Variants in MAP1LC3B observed in about 807,000 individuals in gnomAD.
MAP1LC3B encodes the protein microtubule-associated protein 1 light chain 3 beta.
In MAP1LC3B, 12 loss-of-function variants were observed where a neutral mutation model predicts 16.7. The ratio of observed to expected loss-of-function variants is 0.72; its 90% CI spans 0.46 to 1.16. MAP1LC3B has a LOEUF of 1.16. MAP1LC3B is among the 50% of genes most tolerant of loss of function. The pLI, the probability that MAP1LC3B is intolerant of heterozygous loss-of-function variation, is 0.00. For synonymous variants in MAP1LC3B, 63 were observed against 56.5 expected, an observed-to-expected ratio of 1.11 and a Z score of -0.51; for missense variants, 155 against 159.5, an observed-to-expected ratio of 0.97 and a Z score of 0.15.
Position 87,404,108 on chromosome 16 carries a change from TCAGA to T in MAP1LC3B, c.*1015_*1018del, listed in dbSNP as rs1908091985. On this transcript the variant is annotated 3_prime_UTR_variant, in exon 4 of 4. Transcript: ENST00000268607. ...TTGAATAGTAGTTATCACTCTTAGG[TCAGA>T]CAGCCATCAGAATTCTCCCACACCA... The T allele has an allele frequency of 6.6e-6, 1 of 152,102 alleles. No homozygotes were observed. Among genetic ancestry groups the T allele is most frequent in the Non-Finnish European group, 1.5e-5 (1 of 68,016 alleles). 9.4% of individuals were successfully genotyped at this position (152,102 alleles called of 1,614,324 possible).
rs1908017410 is a variant in MAP1LC3B at position 87,402,156 on chromosome 16, CT to C, written c.97-17del. 6.2e-7 allele frequency: 1 copy of C among 1,613,536 alleles called. No individual in the cohort carries two copies. Among genetic ancestry groups the C allele is most frequent in the South Asian group, 1.1e-5 (1 of 91,056 alleles). On this transcript the variant is annotated intron_variant, in intron 2 of 3. Coordinates refer to ENST00000268607, the MANE Select transcript of MAP1LC3B (RefSeq NM_022818.5). ...GGCCCTGATGACTATTTTAAAATCACTTCTGGCTTCTTTTCCAGGTGATAAT... is the reference window on the plus strand; with the variant it reads ...GGCCCTGATGACTATTTTAAAATCACTCTGGCTTCTTTTCCAGGTGATAAT...
At chr16:87,402,714 T>G in intron 3 of MAP1LC3B, 4 of 651,680 alleles carry the variant, frequency 6.1e-6, no homozygotes, top group Non-Finnish European at 7.7e-6. Flanking sequence ...TATACTAGTT[T>G]AAAATCAGCC....
At chr16:87,392,646 C>T in intron 1 of MAP1LC3B, 179 bp downstream of exon 1, 1 of 434,402 alleles carries the variant, frequency 2.3e-6, no homozygotes, top group Non-Finnish European at 3.3e-6. Flanking sequence ...GGACCCAGGC[C>T]GGGACCGAGC....
intron 1 of MAP1LC3B, among the ~76,000 whole-genome samples, chr16:87,394,634 G>C (rs533025978): frequency 6.6e-6 from 1 of 152,210 alleles, no homozygotes; most frequent in Non-Finnish European, 1.5e-5. Flanking sequence ...GCAGAGTCTG[G>C]ACTGGTACCT....
chr16:87,403,390 T>TC lies in MAP1LC3B; in HGVS notation c.*294dup, dbSNP rs1908065734. The TC allele has an allele frequency of 1.3e-5, 3 of 238,018 alleles. No individual in the cohort carries two copies. The highest frequency in any genetic ancestry group is 6.9e-5 in the African/African-American group (3 of 43,576). The allele number at this position is 238,018 out of a possible 1,614,324, so 14.7% of individuals were successfully genotyped here. A position where few individuals can be genotyped will look rare whatever the true frequency, so the allele number is the denominator to read the frequency against. On this transcript the variant is annotated 3_prime_UTR_variant, in exon 4 of 4. Transcript: ENST00000268607. ...TCTAAGTTGCCAATAAAATAGACCT[T>TC]CAAGTTATTTTAATGCTCTTTTCTC... is the stretch of plus-strand genomic sequence containing the variant.
chr16:87,399,656 T>C (rs1597390300), intron 2 of MAP1LC3B: 2 of 453,704 alleles, frequency 4.4e-6, no homozygotes, highest in East Asian at 7.0e-5. Flanking sequence ...ACACAGACAC[T>C]AATGAGACTC....
chr16:87,393,704 C>G (rs1031928237), intron 1 of MAP1LC3B, among the ~76,000 whole-genome samples: 1 of 152,038 alleles, frequency 6.6e-6, no homozygotes, highest in Admixed American at 6.5e-5. Context: ...AGTGTCTAGG[C>G]TTATTGAGCC....
Position 87,404,585 on chromosome 16 carries a change from ACAT to A in MAP1LC3B, c.*1492_*1494del, listed in dbSNP as rs1024316627. 17 of 152,206 alleles carry A rather than the reference ACAT, an allele frequency of 1.1e-4. No individual in the cohort carries two copies. The highest frequency in any genetic ancestry group is 4.1e-4 in the African/African-American group (17 of 41,448). 9.4% of individuals were successfully genotyped at this position (152,206 alleles called of 1,614,324 possible). On this transcript the variant is annotated 3_prime_UTR_variant, in exon 4 of 4. Coordinates refer to ENST00000268607, the MANE Select transcript of MAP1LC3B (RefSeq NM_022818.5). Reference sequence around the variant, plus strand: ...CTGGACTGTCTCGTTTAGACTGTATACATCATATCTGACATTATTGTAACTACC... The same window carrying A: ...CTGGACTGTCTCGTTTAGACTGTATACATATCTGACATTATTGTAACTACC...
At chr16:87,399,344 C>T (rs1194137997) in intron 2 of MAP1LC3B, 1 of 268,700 alleles carries the variant, frequency 3.7e-6, no homozygotes, top group Admixed American at 5.0e-5. Flanking sequence ...CCTCTAATTT[C>T]TGCTACCACT....
chr16:87,402,783 G>C, intron 3 of MAP1LC3B, 140 bp from the exon 4 acceptor site: 1 of 994,770 alleles, frequency 1.0e-6, no homozygotes, highest in Non-Finnish European at 1.5e-6. Flanking sequence ...GAAGTGTCCT[G>C]TGCTTTATGA....
chr16:87,396,511 C>T (rs571348352), intron 1 of MAP1LC3B, among the ~76,000 whole-genome samples: 7 of 151,912 alleles, frequency 4.6e-5, no homozygotes, highest in Admixed American at 2.0e-4. Flanking sequence ...TCTGCCTGAA[C>T]GTTTCTACTT....
At chr16:87,400,222 G>C (rs1174647681) in intron 2 of MAP1LC3B, 1 of 148,370 alleles carries the variant, frequency 6.7e-6, no homozygotes, top group African/African-American at 2.5e-5. Flanking sequence ...CTGTCACCCA[G>C]GCTGGAGTGC....
At position 87,403,408 on chromosome 16, in the gene MAP1LC3B, C is replaced by G. The variant is rs188542873; in HGVS notation, c.*311C>G. 228 of 219,954 alleles carry G rather than the reference C, an allele frequency of 1.0e-3. No homozygotes were observed. The highest frequency in any genetic ancestry group is 2.2e-3 in the South Asian group (24 of 11,060). 13.6% of individuals were successfully genotyped at this position (219,954 alleles called of 1,614,324 possible). On this transcript the variant is annotated 3_prime_UTR_variant, in exon 4 of 4. Coordinates refer to ENST00000268607, the MANE Select transcript of MAP1LC3B (RefSeq NM_022818.5). ...TAGACCTTCAAGTTATTTTAATGCT[C>G]TTTTCTCACTAATAGGAACTTGTAA... is the stretch of plus-strand genomic sequence containing the variant.
chr16:87,403,884 C>G lies in MAP1LC3B; in HGVS notation c.*787C>G, dbSNP rs1908082569. The G allele has an allele frequency of 6.6e-6, 1 of 152,022 alleles. No individual in the cohort carries two copies. Among genetic ancestry groups the G allele is most frequent in the Non-Finnish European group, 1.5e-5 (1 of 68,016 alleles). The allele number at this position is 152,022 out of a possible 1,614,324, so 9.4% of individuals were successfully genotyped here. A position where few individuals can be genotyped will look rare whatever the true frequency, so the allele number is the denominator to read the frequency against. On this transcript the variant is annotated 3_prime_UTR_variant, in exon 4 of 4. Transcript: ENST00000268607. ...GGTTTTGTCTGAGTTCAAACTAGTG[C>G]CTGTGTTGTTACGGAAAGCAGCAGT...
chr16:87,396,955 G>A (rs1482656637), intron 1 of MAP1LC3B: 1 of 152,162 alleles, frequency 6.6e-6, no homozygotes, highest in Non-Finnish European at 1.5e-5. Flanking sequence ...AGCCTCCCTA[G>A]TAGCTGGGAT....
Position 87,404,275 on chromosome 16 carries a change from T to C in MAP1LC3B, c.*1178T>C, listed in dbSNP as rs1341351398. 6.6e-6 allele frequency: 1 copy of C among 150,794 alleles called. No homozygotes were observed. Among genetic ancestry groups the C allele is most frequent in the African/African-American group, 2.5e-5 (1 of 40,060 alleles). The allele number at this position is 150,794 out of a possible 1,614,324, so 9.3% of individuals were successfully genotyped here. On this transcript the variant is annotated 3_prime_UTR_variant, in exon 4 of 4. Coordinates refer to ENST00000268607, the MANE Select transcript of MAP1LC3B (RefSeq NM_022818.5). ...TTCCCAGTACTTGCATGGGGTTCAC[T>C]ATTTATAGTTTTCTTGGGAGTATCA...
intron 1 of MAP1LC3B, chr16:87,392,737 G>A: frequency 5.9e-6 from 1 of 170,400 alleles, no homozygotes; most frequent in Non-Finnish European, 1.2e-5. Context: ...GGCGGAGGGC[G>A]GGCGGGGGCC....
intron 3 of MAP1LC3B, 90 bp downstream of exon 3, chr16:87,402,371 A>G: frequency 1.7e-6 from 2 of 1,192,910 alleles, no homozygotes; most frequent in Non-Finnish European, 1.2e-6. Flanking sequence ...AGTTCTGGTT[A>G]AAATCTTTAA....
chr16:87,396,162 A>T (rs1028993624), intron 1 of MAP1LC3B, among the ~76,000 whole-genome samples: 2 of 151,580 alleles, frequency 1.3e-5, no homozygotes, highest in African/African-American at 4.8e-5. Flanking sequence ...CACCCAGCCA[A>T]ACCTAGTTTC....
Sources: allele counts gnomAD v4.1 joint callset (sites outside exome capture counted in the v4.1 genomes callset), GRCh38; gene constraint gnomAD v4.1.1; transcripts MANE v1.5; gene names NCBI Gene and HGNC (gene_info 2026-07-23, HGNC 2026-07-21).